The following SNX25 variants were observed in gnomAD, a reference collection of about 807,000 sequenced individuals.
The protein encoded by SNX25 is sorting nexin 25.
SNX25 carries 62 observed loss-of-function variants against 113.7 expected under a neutral mutation model. That is an observed-to-expected ratio of 0.55 (90% CI 0.44 to 0.67). SNX25 has a LOEUF of 0.67. Among genes scored for constraint, SNX25 ranks in the 30% least tolerant of loss-of-function variants. The pLI, the probability that SNX25 is intolerant of heterozygous loss-of-function variation, is 0.00. For missense variants in SNX25, 1,014 were observed against 1,161.0 expected (o/e 0.87, Z 1.84); for synonymous variants, 421 against 436.2 (o/e 0.97, Z 0.43).
intron 1 of SNX25, among the ~76,000 whole-genome samples, chr4:185,212,464 TGTGTG>T (rs1560889752): frequency 2.7e-5 from 1 of 37,324 alleles, no homozygotes; most frequent in African/African-American, 9.4e-5. Flanking sequence ...ATTTGTGTGA[TGTGTG>T]TGTGTGTGTG....
rs143922110 is a variant in SNX25, at chr4:185,351,899, G to A, written c.2466+290G>A. Among the ~76,000 whole-genome samples, 33 of 151,550 alleles carry A rather than the reference G, an allele frequency of 2.2e-4. No individual in the cohort carries two copies. In the East Asian group the frequency reaches 3.9e-3, roughly 18 times the overall value. On this transcript the variant is annotated intron_variant, in intron 14 of 18. Transcript: ENST00000652585. The stretch of plus-strand genomic sequence containing the variant: ...GGTCGGGGGAGGCCAAGTGCGGGCC[G>A]TCATTGCGGGGTGGGGGGGTTCATG...
intron 1 of SNX25, among the ~76,000 whole-genome samples, chr4:185,220,816 C>T (rs1739714907): frequency 6.6e-6 from 1 of 152,088 alleles, no homozygotes; most frequent in African/African-American, 2.4e-5. Flanking sequence ...CCTTATACCC[C>T]ATAGGCACTC....
intron 6 of SNX25, among the ~76,000 whole-genome samples, chr4:185,290,186 C>G (rs1751945831): frequency 6.6e-6 from 1 of 152,186 alleles, no homozygotes; most frequent in Admixed American, 6.5e-5. Context: ...CAAATAAGGC[C>G]ACATCCTAAG....
chr4:185,362,466 C>T, intron 17 of SNX25, 145 bp from the exon 18 acceptor site: 2 of 1,192,496 alleles, frequency 1.7e-6, no homozygotes, highest in Non-Finnish European at 2.3e-6. Flanking sequence ...TTTCCTGAAG[C>T]ATTTGAGAGA....
At chr4:185,362,230 CTT>C (rs1466068559) in intron 17 of SNX25, 125 bp downstream of exon 17, 2 of 1,389,114 alleles carry the variant, frequency 1.4e-6, no homozygotes, top group Admixed American at 6.4e-5. Context: ...GGATCATACT[CTT>C]TTAAGCCATT....
At chr4:185,247,775 A>G (rs1016186991) in intron 2 of SNX25, among the ~76,000 whole-genome samples, 2 of 152,194 alleles carry the variant, frequency 1.3e-5, no homozygotes, top group Non-Finnish European at 2.9e-5. Flanking sequence ...AAGTGATAGT[A>G]GTCTTTCAGA....
chr4:185,221,548 CTG>C (rs1051890587), intron 1 of SNX25, among the ~76,000 whole-genome samples: 14 of 152,230 alleles, frequency 9.2e-5, no homozygotes, highest in African/African-American at 3.1e-4. Context: ...ACCTAGATGA[CTG>C]TAACAACCTT....
At chr4:185,337,849 G>C (rs2095239696) in intron 10 of SNX25, among the ~76,000 whole-genome samples, 1 of 152,144 alleles carries the variant, frequency 6.6e-6, no homozygotes, top group Admixed American at 6.5e-5. Context: ...CATTAGGATA[G>C]TAGTCATCCT....
rs1741097012 is a variant in SNX25 at position 185,226,975 on chromosome 4, T to C, written c.429+16720T>C. Among the ~76,000 whole-genome samples, 3 of 152,196 alleles carry C rather than the reference T, an allele frequency of 2.0e-5. No individual in the cohort carries two copies. The South Asian group carries it at 6.2e-4, about 32-fold the overall frequency. ...AAGCTCAGGGCTAGGGCAGGCTCCA[T>C]GTGGAGACCATTGAGCCTCCAGGAC... On this transcript the variant is annotated intron_variant, in intron 1 of 18. Coordinates refer to ENST00000652585, the MANE Select transcript of SNX25 (RefSeq NM_001378034.2).
upstream of SNX25, among the ~76,000 whole-genome samples, chr4:185,205,808 G>A (rs563264523): frequency 2.0e-5 from 3 of 152,230 alleles, no homozygotes; most frequent in Non-Finnish European, 2.9e-5. Context: ...CAGCCTGGGC[G>A]ACAGAGCAAG....
At chr4:185,269,731 G>A (rs1748640045) in intron 5 of SNX25, among the ~76,000 whole-genome samples, 1 of 152,126 alleles carries the variant, frequency 6.6e-6, no homozygotes, top group Non-Finnish European at 1.5e-5. Flanking sequence ...GAGTTTTGTT[G>A]TTGTTTTGTT....
intron 1 of SNX25, among the ~76,000 whole-genome samples, chr4:185,215,357 A>G (rs72706075): frequency 6.6e-6 from 1 of 152,196 alleles, no homozygotes; most frequent in East Asian, 1.9e-4. Flanking sequence ...TTAGACCCAC[A>G]GGGAGGACTG....
At chr4:185,258,524 T>C (rs1020986701) in intron 2 of SNX25, among the ~76,000 whole-genome samples, 3 of 152,170 alleles carry the variant, frequency 2.0e-5, no homozygotes, top group Admixed American at 6.5e-5. Context: ...TAGACTGATA[T>C]CAGGTACACT....
intron 1 of SNX25, among the ~76,000 whole-genome samples, chr4:185,239,486 AG>A (rs1268250924): frequency 2.6e-5 from 4 of 152,218 alleles, no homozygotes; most frequent in Admixed American, 6.5e-5. Flanking sequence ...CGTCTCAAAA[AG>A]AAAAAAAATA....
rs1465734227 is a variant in SNX25, at chr4:185,212,495, T to TTGTTTTTTG, written c.429+2241_429+2242insGTTTTTTGT. ...TGTGTGTGTGTGTGTGTGTGTGTTT[T>TTGTTTTTTG]TTTTTTTTTTTGCTTTGAGACAGGG... On this transcript the variant is annotated intron_variant, in intron 1 of 18. Coordinates refer to ENST00000652585, the MANE Select transcript of SNX25 (RefSeq NM_001378034.2). Among the ~76,000 whole-genome samples, 8 of 115,866 alleles carry TTGTTTTTTG rather than the reference T, an allele frequency of 6.9e-5. 1 individual carries two copies. The East Asian group carries it at 2.5e-3, about 37-fold the overall frequency. The allele number at this position is 115,866 out of a possible 152,430, so 76.0% of individuals were successfully genotyped here.
intron 9 of SNX25, among the ~76,000 whole-genome samples, chr4:185,329,850 G>A (rs181636488): frequency 7.4e-4 from 112 of 152,184 alleles, no homozygotes; most frequent in Non-Finnish European, 1.4e-3. Flanking sequence ...CTTCAGGTTA[G>A]TTGTCTTCCT....
At chr4:185,296,545 A>G (rs1172465955) in intron 6 of SNX25, among the ~76,000 whole-genome samples, 2 of 152,120 alleles carry the variant, frequency 1.3e-5, no homozygotes, top group Non-Finnish European at 2.9e-5. Context: ...AAAGAAATTA[A>G]GTATGATTTT....
At chr4:185,360,576 A>G (rs1457204931) in intron 16 of SNX25, among the ~76,000 whole-genome samples, 1 of 152,088 alleles carries the variant, frequency 6.6e-6, no homozygotes, top group Non-Finnish European at 1.5e-5. Flanking sequence ...TCTCCTCCCA[A>G]CCTCACAACT....
intron 1 of SNX25, among the ~76,000 whole-genome samples, chr4:185,245,422 A>G (rs1034173776): frequency 6.6e-6 from 1 of 151,664 alleles, no homozygotes; most frequent in Non-Finnish European, 1.5e-5. Flanking sequence ...ACTGCAACCT[A>G]CATCTCCTGG....
Sources: gnomAD v4.1 joint callset for allele counts (sites outside exome capture counted in the v4.1 genomes callset) on GRCh38, gnomAD v4.1.1 for gene constraint, MANE v1.5 for transcripts, NCBI Gene and HGNC (gene_info 2026-07-23, HGNC 2026-07-21) for gene names.